Variants in EML1 observed in about 807,000 individuals in gnomAD.
EML1 encodes EMAP like 1.
A neutral mutation model predicts 110.4 loss-of-function variants in EML1; 27 were observed. That is an observed-to-expected ratio of 0.24 (90% CI 0.18 to 0.34). The LOEUF (loss-of-function observed/expected upper bound fraction) is 0.34, where lower values mean the gene tolerates loss of function less well. EML1 is among the 10% of genes least tolerant of loss of function. The pLI, the probability that EML1 is intolerant of heterozygous loss-of-function variation, is 1.00. For missense variants in EML1, 741 were observed against 1,030.9 expected (o/e 0.72, Z 3.85); for synonymous variants, 344 against 385.8 (o/e 0.89, Z 1.27).
chr14:99,933,454 G>T (rs2060410259), intron 17 of EML1, among the ~76,000 whole-genome samples: 1 of 152,214 alleles, frequency 6.6e-6, no homozygotes, highest in South Asian at 2.1e-4. Flanking sequence ...GGGATTAGAA[G>T]CGTGAGCCAC....
chr14:99,939,384 G>A lies in EML1; in HGVS notation c.2322+57G>A, dbSNP rs988995140. ...CCCCATGGGGCATGCACGTACACCC[G>A]ACCTGTTTGGAGACTAAGTGGAAAT... On this transcript the variant is annotated intron_variant, in intron 21 of 21. Transcript: ENST00000262233. The surrounding 1 kb of genome is among the most constrained non-coding windows in gnomAD (Gnocchi z 4.2). The A allele has an allele frequency of 1.1e-5, 17 of 1,598,268 alleles. No homozygotes were observed. Among genetic ancestry groups the A allele is most frequent in the Middle Eastern group, 3.4e-4 (2 of 5,908 alleles).
At chr14:99,935,695 A>G (rs532998245) in intron 17 of EML1, among the ~76,000 whole-genome samples, 112 of 147,762 alleles carry the variant, frequency 7.6e-4, no homozygotes, top group African/African-American at 2.3e-3. Flanking sequence ...AGGCAGGAGA[A>G]TGGCGTGAAC....
intron 17 of EML1, among the ~76,000 whole-genome samples, chr14:99,922,384 G>A (rs1052740954): frequency 3.3e-5 from 5 of 152,086 alleles, no homozygotes; most frequent in African/African-American, 1.2e-4. Context: ...CCAAAGTGCT[G>A]GGTTTACAGG....
At chr14:99,779,367 A>G (rs535481581) in intron 1 of EML1, among the ~76,000 whole-genome samples, 1 of 152,148 alleles carries the variant, frequency 6.6e-6, no homozygotes, top group Non-Finnish European at 1.5e-5. Flanking sequence ...TATTTTGTGG[A>G]TGCAATAACT....
Position 99,939,265 on chromosome 14 carries a change from C to A in EML1, c.2260C>A (p.Leu754Met). Residue 754 changes from leucine (L) to methionine (M), a missense_variant, in exon 21 of 22, where the codon CTG becomes ATG. Coordinates refer to ENST00000262233, the MANE Select transcript of EML1 (RefSeq NM_004434.3). This position sits in a 1 kb window ranked among gnomAD's most constrained non-coding sequence, Gnocchi z 4.2. The stretch of plus-strand genomic sequence containing the variant: ...CTGTCGGGCCCATGAGAAGAAACTC[C>A]TGTCAACAGGCGACGACTTTGGCAA... ...AVCRAHEKKL[L>M]STGDDFGKVH... 6.2e-7 allele frequency: 1 copy of A among 1,614,252 alleles called. No homozygotes were observed.
At chr14:99,842,028 A>G (rs1038067356) in intron 1 of EML1, among the ~76,000 whole-genome samples, 1 of 28,248 alleles carries the variant, frequency 3.5e-5, no homozygotes, top group African/African-American at 6.3e-5. Context: ...ACAAGAATGT[A>G]AAAACTTGGG....
chr14:99,929,608 T>C (rs1177820935), intron 17 of EML1, among the ~76,000 whole-genome samples: 2 of 152,214 alleles, frequency 1.3e-5, no homozygotes, highest in South Asian at 2.1e-4. Flanking sequence ...ATCAGCAGTA[T>C]GAGTTTTCTG....
At chr14:99,792,493 T>C (rs1265424416), upstream of EML1, among the ~76,000 whole-genome samples, 1 of 152,248 alleles carries the variant, frequency 6.6e-6, no homozygotes, top group Non-Finnish European at 1.5e-5. Flanking sequence ...ACAGCATTTA[T>C]ACGTGTATGG....
At chr14:99,807,323 A>C (rs1249358333) in intron 1 of EML1, among the ~76,000 whole-genome samples, 1 of 152,220 alleles carries the variant, frequency 6.6e-6, no homozygotes, top group Non-Finnish European at 1.5e-5. Context: ...TTGGATAATT[A>C]CTTATTCTTT....
At chr14:99,767,358 C>T (rs1595256279) in intron 1 of EML1, among the ~76,000 whole-genome samples, 1 of 152,238 alleles carries the variant, frequency 6.6e-6, no homozygotes, top group East Asian at 1.9e-4. Context: ...AATCCCAACA[C>T]TTTGGGAGGC....
chr14:99,880,297 A>G (rs945251381), intron 4 of EML1, among the ~76,000 whole-genome samples: 1 of 152,314 alleles, frequency 6.6e-6, no homozygotes, highest in Middle Eastern at 3.4e-3. Flanking sequence ...ACAGGGACCC[A>G]TAGGAGTAAG....
intron 9 of EML1, among the ~76,000 whole-genome samples, chr14:99,901,732 G>T (rs1452005149): frequency 2.0e-5 from 3 of 152,150 alleles, no homozygotes; most frequent in Non-Finnish European, 2.9e-5. Flanking sequence ...CGCCATCTTG[G>T]TTTTGGCGGG....
intron 2 of EML1, among the ~76,000 whole-genome samples, chr14:99,854,467 G>A (rs1355771091): frequency 2.0e-5 from 3 of 152,198 alleles, no homozygotes; most frequent in Non-Finnish European, 4.4e-5. Flanking sequence ...CTGTGGATAG[G>A]TATTCTGTAG....
exon 1 of EML1, chr14:99,737,746 C>T (rs2056985749): frequency 7.9e-7 from 1 of 1,263,332 alleles, no homozygotes. Context: ...GCGGAGGAGC[C>T]CCAAGCCCTG....
At chr14:99,868,933 C>G (rs1217505233) in intron 3 of EML1, among the ~76,000 whole-genome samples, 1 of 152,092 alleles carries the variant, frequency 6.6e-6, no homozygotes, top group Non-Finnish European at 1.5e-5. Flanking sequence ...TTTATGAAAA[C>G]TTTGATCACT....
At chr14:99,775,519 G>A (rs1199262197) in intron 1 of EML1, among the ~76,000 whole-genome samples, 1 of 152,186 alleles carries the variant, frequency 6.6e-6, no homozygotes, top group Non-Finnish European at 1.5e-5. Context: ...TCACAGGCAA[G>A]TAGGCTGAGG....
intron 2 of EML1, among the ~76,000 whole-genome samples, chr14:99,859,380 C>A (rs139537615): frequency 6.6e-6 from 1 of 152,116 alleles, no homozygotes; most frequent in Non-Finnish European, 1.5e-5. Context: ...TCACTTCCAG[C>A]GGGTTGGTAG....
chr14:99,775,349 A>C (rs2057470430), intron 1 of EML1, among the ~76,000 whole-genome samples: 3 of 152,334 alleles, frequency 2.0e-5, no homozygotes, highest in South Asian at 2.1e-4. Flanking sequence ...GGAGGGAGAA[A>C]GGGCATATGA....
intron 1 of EML1, among the ~76,000 whole-genome samples, chr14:99,819,708 G>C (rs1324052537): frequency 2.6e-5 from 4 of 152,168 alleles, no homozygotes; most frequent in Admixed American, 6.5e-5. Flanking sequence ...TCCCTCCGTG[G>C]TGGGAGGGGT....
Sources: gnomAD v4.1 joint callset for allele counts (sites outside exome capture counted in the v4.1 genomes callset) on GRCh38, gnomAD v4.1.1 for gene constraint, Gnocchi (gnomAD v3.1) non-coding constraint, MANE v1.5 for transcripts, NCBI Gene and HGNC (gene_info 2026-07-23, HGNC 2026-07-21) for gene names.